ATP10A: variants seen among roughly 807,000 people sequenced by gnomAD.
The protein encoded by ATP10A is ATPase phospholipid transporting 10A (putative), also known as phospholipid-transporting ATPase VA.
A neutral mutation model predicts 147.8 loss-of-function variants in ATP10A; 111 were observed. The ratio of observed to expected loss-of-function variants is 0.75; its 90% CI spans 0.64 to 0.88. The LOEUF (loss-of-function observed/expected upper bound fraction) is 0.88, where lower values mean the gene tolerates loss of function less well. Ranked by LOEUF, ATP10A falls within the 40% of genes least tolerant of loss-of-function variation. The pLI is 0.00. For missense variants in ATP10A, 1,927 were observed against 1,959.0 expected, an observed-to-expected ratio of 0.98 and a Z score of 0.31; for synonymous variants, 875 against 841.6, an observed-to-expected ratio of 1.04 and a Z score of -0.69.
At chr15:25,697,226 G>A (rs1293039402) in intron 13 of ATP10A, among the ~76,000 whole-genome samples, 1 of 152,172 alleles carries the variant, frequency 6.6e-6, no homozygotes, top group African/African-American at 2.4e-5. Flanking sequence ...GGGCAAAAAT[G>A]CAAGACTAGG....
Position 25,781,109 on chromosome 15 carries a change from G to T in ATP10A, c.564C>A (p.Asp188Glu). Residue 188 changes from aspartate to glutamate, a missense_variant, in exon 2 of 21, where the codon GAC becomes GAA. By Grantham distance (45) the Asp-to-Glu change is conservative. Coordinates refer to ENST00000555815, the MANE Select transcript of ATP10A (RefSeq NM_024490.4). Reference sequence around the variant, plus strand: ...TCTCGATGTGGCATAGCCCGTCGGGGTCACTGGAGGAGAGCAGCAGAATGT... The same window carrying T: ...TCTCGATGTGGCATAGCCCGTCGGGTTCACTGGAGGAGAGCAGCAGAATGT... ...PADILLLSSS[D>E]PDGLCHIETA... The T allele has an allele frequency of 6.2e-7, 1 of 1,614,230 alleles. No individual in the cohort carries two copies. Among genetic ancestry groups the T allele is most frequent in the Non-Finnish European group, 8.5e-7 (1 of 1,180,040 alleles).
In ATP10A at chr15:25,814,373, A is replaced by C. The variant is rs1384626321; in HGVS notation, c.450-33150T>G. Among the ~76,000 whole-genome samples, 3 of 152,348 alleles carry C rather than the reference A, an allele frequency of 2.0e-5. No individual in the cohort carries two copies. The East Asian group carries it at 5.8e-4, about 29-fold the overall frequency. On this transcript the variant is annotated intron_variant, in intron 1 of 20. Coordinates refer to ENST00000555815, the MANE Select transcript of ATP10A (RefSeq NM_024490.4). Reference sequence around the variant, plus strand: ...CATGGGCAGACCTGTACCATGGCAAATGTTCAACGAAGTCCTTCAGGCAGA... The same window carrying C: ...CATGGGCAGACCTGTACCATGGCAACTGTTCAACGAAGTCCTTCAGGCAGA...
At chr15:25,736,895 G>A (rs1887319148) in intron 2 of ATP10A, among the ~76,000 whole-genome samples, 2 of 152,126 alleles carry the variant, frequency 1.3e-5, no homozygotes, top group South Asian at 4.1e-4. Context: ...GTAAAAAACT[G>A]AACTGTCTTT....
rs757828521 is a variant in ATP10A at position 25,687,696 on chromosome 15, T to C, written c.3291+7A>G. ...CCCAAAACTCTAGACAGGTATCCAA[T>C]ACCTACTGTGTTTTTGTAGAAGAAG... On this transcript the variant is annotated splice_region_variant and intron_variant, in intron 16 of 20. Transcript: ENST00000555815. The C allele has an allele frequency of 3.8e-6, 6 of 1,582,038 alleles. No individual in the cohort carries two copies. In the South Asian group the frequency reaches 4.7e-5, roughly 12 times the overall value.
At chr15:25,777,096 C>CATATGTGTGT (rs1555468162) in intron 2 of ATP10A, among the ~76,000 whole-genome samples, 26 of 149,808 alleles carry the variant, frequency 1.7e-4, no homozygotes, top group African/African-American at 6.1e-4. Flanking sequence ...TGCATACGTG[C>CATATGTGTGT]GTGTGTGTGT....
chr15:25,693,538 C>T (rs948561037), intron 14 of ATP10A, among the ~76,000 whole-genome samples: 7 of 66,886 alleles, frequency 1.0e-4, no homozygotes, highest in African/African-American at 1.8e-4. Context: ...ACGTTGTCCT[C>T]GTGCTCCCAG....
intron 4 of ATP10A, among the ~76,000 whole-genome samples, 176 bp downstream of exon 4, chr15:25,726,984 A>G (rs1270082816): frequency 1.5e-4 from 23 of 149,542 alleles, no homozygotes; most frequent in East Asian, 6.0e-4. Flanking sequence ...GTGAACCCGG[A>G]AGGCGGAGCT....
intron 1 of ATP10A, among the ~76,000 whole-genome samples, chr15:25,816,626 G>A (rs192655787): frequency 6.6e-6 from 1 of 152,136 alleles, no homozygotes; most frequent in Non-Finnish European, 1.5e-5. Context: ...CCATGCGAAA[G>A]ATTTGTGTAC....
intron 2 of ATP10A, among the ~76,000 whole-genome samples, chr15:25,757,009 A>T (rs2140608655): frequency 6.6e-6 from 1 of 152,334 alleles, no homozygotes; most frequent in East Asian, 1.9e-4. Context: ...AACGGCCATA[A>T]ACATTTATAA....
intron 1 of ATP10A, among the ~76,000 whole-genome samples, chr15:25,830,367 G>A (rs945830384): frequency 6.6e-6 from 1 of 152,152 alleles, no homozygotes; most frequent in Admixed American, 6.5e-5. Context: ...TGAAACTAGC[G>A]GCCAGCCTGT....
intron 1 of ATP10A, among the ~76,000 whole-genome samples, chr15:25,816,349 C>T (rs993351378): frequency 6.6e-6 from 1 of 151,702 alleles, no homozygotes; most frequent in Non-Finnish European, 1.5e-5. Flanking sequence ...CAGATGTAAG[C>T]CACCACATCC....
At chr15:25,699,348 G>A (rs4906749) in intron 13 of ATP10A, among the ~76,000 whole-genome samples, 18,081 of 152,150 alleles carry the variant, frequency 0.12, 1,207 homozygotes, top group South Asian at 0.25. Flanking sequence ...TCAACCAAAA[G>A]AAGACGCTTT....
At chr15:25,793,491 C>T (rs1890528510) in intron 1 of ATP10A, among the ~76,000 whole-genome samples, 1 of 152,340 alleles carries the variant, frequency 6.6e-6, no homozygotes, top group South Asian at 2.1e-4. Context: ...TCTAAGTGCT[C>T]ATTGTGCTCC....
At chr15:25,768,362 A>C (rs1889139472) in intron 2 of ATP10A, among the ~76,000 whole-genome samples, 2 of 152,138 alleles carry the variant, frequency 1.3e-5, no homozygotes, top group African/African-American at 4.8e-5. Flanking sequence ...TTAAAAGAAA[A>C]GCAGTGCTTC....
chr15:25,826,166 T>C (rs894079323), intron 1 of ATP10A, among the ~76,000 whole-genome samples: 2 of 151,774 alleles, frequency 1.3e-5, no homozygotes, highest in African/African-American at 4.8e-5. Flanking sequence ...ATAGCAACAG[T>C]CTCAGAGTCC....
chr15:25,850,338 G>C (rs1893228145), intron 1 of ATP10A, among the ~76,000 whole-genome samples: 1 of 152,140 alleles, frequency 6.6e-6, no homozygotes. Flanking sequence ...CCATGCTCCT[G>C]GGCCAAGGTG....
chr15:25,783,941 G>A (rs1890044998), intron 1 of ATP10A, among the ~76,000 whole-genome samples: 1 of 152,182 alleles, frequency 6.6e-6, no homozygotes, highest in Non-Finnish European at 1.5e-5. Context: ...AGGAGGCATG[G>A]CAGTGGCCCC....
intron 2 of ATP10A, among the ~76,000 whole-genome samples, chr15:25,744,399 A>G (rs1887737619): frequency 6.6e-6 from 1 of 152,190 alleles, no homozygotes; most frequent in African/African-American, 2.4e-5. Context: ...TATATGAAAT[A>G]CAAGGCCTCA....
At chr15:25,771,555 A>G (rs925454267) in intron 2 of ATP10A, among the ~76,000 whole-genome samples, 1 of 152,096 alleles carries the variant, frequency 6.6e-6, no homozygotes, top group Non-Finnish European at 1.5e-5. Flanking sequence ...CCACCCACCC[A>G]GAGATGTCTG....
Sources: gnomAD v4.1 joint callset for allele counts (sites outside exome capture counted in the v4.1 genomes callset) on GRCh38, gnomAD v4.1.1 for gene constraint, MANE v1.5 for transcripts, NCBI Gene and HGNC (gene_info 2026-07-23, HGNC 2026-07-21) for gene names.